The following PLOD3 variants were observed in gnomAD, a reference collection of about 807,000 sequenced individuals.
PLOD3 encodes procollagen-lysine,2-oxoglutarate 5-dioxygenase 3, also known as multifunctional procollagen lysine hydroxylase and glycosyltransferase LH3.
A neutral mutation model predicts 96.9 loss-of-function variants in PLOD3; 73 were observed. That is an observed-to-expected ratio of 0.75 (90% CI 0.62 to 0.92). The LOEUF (loss-of-function observed/expected upper bound fraction) is 0.92, where lower values mean the gene tolerates loss of function less well. PLOD3 is among the 40% of genes least tolerant of loss of function. PLOD3 has a pLI of 0.00. For missense variants in PLOD3, 1,004 were observed against 1,004.3 expected (o/e 1.00, Z 0.00); for synonymous variants, 454 against 413.7 (o/e 1.10, Z -1.18).
In PLOD3 at chr7:101,206,182, G is replaced by T; in HGVS notation, c.*99C>A. ...GGCACGCGGAACATGAACTCAGGAA[G>T]TGGGGAGACAGAGAGACCCATCCCC... On this transcript the variant is annotated 3_prime_UTR_variant, in exon 19 of 19. Coordinates refer to ENST00000223127, the MANE Select transcript of PLOD3 (RefSeq NM_001084.5). 1 of 1,186,570 alleles carries T rather than the reference G, an allele frequency of 8.4e-7. No individual in the cohort carries two copies. The highest frequency in any genetic ancestry group is 1.3e-6 in the Non-Finnish European group (1 of 791,190). 73.5% of individuals were successfully genotyped at this position (1,186,570 alleles called of 1,614,324 possible).
intron 5 of PLOD3, among the ~76,000 whole-genome samples, 162 bp from the exon 6 acceptor site, chr7:101,215,314 T>C (rs1244222202): frequency 1.3e-5 from 2 of 152,222 alleles, no homozygotes; most frequent in African/African-American, 2.4e-5. Flanking sequence ...CCCGGTTTAA[T>C]TGATTCTCTT....
In PLOD3 at chr7:101,212,279, G is replaced by A. The variant is rs768919396; in HGVS notation, c.1101C>T (p.Ser367=). The change falls in exon 10 of 19, where the codon AGC becomes AGT. Residue 367 remains serine, a synonymous_variant. Transcript: ENST00000223127. ...VKLVGPEEAL[S]PGEARDMAMD... ...TGGCCATGTCCCTGGCCTCGCCTGG[G>A]CTCAGAGCCTCCTCCGGCCCCACGA... The A allele has an allele frequency of 1.7e-5, 27 of 1,613,370 alleles. No individual in the cohort carries two copies. The South Asian group carries it at 2.9e-4, about 17-fold the overall frequency.
In PLOD3 at chr7:101,208,963, G is replaced by T; in HGVS notation, c.1684-6C>A. The T allele has an allele frequency of 6.2e-7, 1 of 1,602,658 alleles. No individual in the cohort carries two copies. Among genetic ancestry groups the T allele is most frequent in the Non-Finnish European group, 8.5e-7 (1 of 1,169,678 alleles). ...CAGTACACGTCCGGGCATGGCTGAG[G>T]ATGGGGCGAGGGAGAACAGGGCTAG... On this transcript the variant is annotated splice_polypyrimidine_tract_variant and splice_region_variant and intron_variant, in intron 15 of 18. Coordinates refer to ENST00000223127, the MANE Select transcript of PLOD3 (RefSeq NM_001084.5).
intron 12 of PLOD3, 112 bp downstream of exon 12, chr7:101,211,479 C>T: frequency 8.8e-7 from 1 of 1,140,290 alleles, no homozygotes. Context: ...CTGCAGCCAG[C>T]CTCATGGCAC....
intron 15 of PLOD3, 107 bp from the exon 16 acceptor site, chr7:101,209,064 G>A: frequency 1.2e-6 from 1 of 852,290 alleles, no homozygotes; most frequent in East Asian, 2.6e-5. Flanking sequence ...GGAAGGCTTT[G>A]TGAGAGCAGC....
Position 101,211,951 on chromosome 7 carries a change from C to A in PLOD3, c.1128-1G>T. 6.3e-7 allele frequency: 1 copy of A among 1,599,038 alleles called. No individual in the cohort carries two copies. The highest frequency in any genetic ancestry group is 1.1e-5 in the South Asian group (1 of 89,250). Reference sequence around the variant, plus strand: ...CTCGGGGTCCTGCCGACACAGGTCCCTGGAGGTGAGAGGCGAGCTGAGACG... The same window carrying A: ...CTCGGGGTCCTGCCGACACAGGTCCATGGAGGTGAGAGGCGAGCTGAGACG... On this transcript the variant is annotated splice_acceptor_variant, in intron 10 of 18. Coordinates refer to ENST00000223127, the MANE Select transcript of PLOD3 (RefSeq NM_001084.5). LOFTEE classifies it high-confidence loss of function.
At chr7:101,214,827 ACT>A (rs1584255287) in intron 6 of PLOD3, among the ~76,000 whole-genome samples, 1 of 151,810 alleles carries the variant, frequency 6.6e-6, no homozygotes, top group African/African-American at 2.4e-5. Flanking sequence ...ACAGAGCGAA[ACT>A]CTGTCTCAAA....
Position 101,207,626 on chromosome 7 carries a change from C to A in PLOD3, c.1887G>T (p.Thr629=), listed in dbSNP as rs142564814. ...YEDQWLQLLR[T]YVGPMTESLF... ...GGCTCTCGGTCATGGGGCCCACATA[C>A]GTCCGCAGCAGCTGCAGCCACTGGT... Residue 629 remains threonine (T), a synonymous_variant, in exon 17 of 19, where the codon ACG becomes ACT. Transcript: ENST00000223127. 3 of 1,614,058 alleles carry A rather than the reference C, an allele frequency of 1.9e-6. No homozygotes were observed. In the South Asian group the frequency reaches 3.3e-5, roughly 18 times the overall value.
At position 101,206,799 on chromosome 7, in the gene PLOD3, G is replaced by A; in HGVS notation, c.2041C>T (p.His681Tyr). ...STFTLNVALN[H>Y]KGLDYEGGGC... is the part of the protein sequence containing the mutation. ...CGCACCTCATAGTCCAGGCCCTTGT[G>A]GTTGAGGGCAACGTTGAGGGTGAAG... The change falls in exon 18 of 19, where the codon CAC (histidine) becomes TAC (tyrosine). Residue 681 changes from histidine (H) to tyrosine (Y), a missense_variant. By Grantham distance (83) the His-to-Tyr change is moderately conservative. This residue lies in a region of PLOD3 where 222 missense variants were observed against 220.4 expected (regional missense o/e 1.01). Transcript: ENST00000223127. 3.8e-6 allele frequency: 6 copies of A among 1,583,740 alleles called. No homozygotes were observed. Among genetic ancestry groups the A allele is most frequent in the Non-Finnish European group, 5.2e-6 (6 of 1,164,746 alleles).
At chr7:101,215,784 G>A (rs1798260113) in intron 5 of PLOD3, 124 bp downstream of exon 5, 4 of 731,542 alleles carry the variant, frequency 5.5e-6, no homozygotes, top group South Asian at 4.5e-5. Context: ...TGACAGGCGT[G>A]AGCCACCACG....
chr7:101,206,661 CCA>C, intron 18 of PLOD3, 116 bp downstream of exon 18: 1 of 1,260,490 alleles, frequency 7.9e-7, no homozygotes, highest in Non-Finnish European at 1.1e-6. Context: ...GAGCTGATAC[CCA>C]CAAAGTCACT....
intron 16 of PLOD3, chr7:101,208,526 C>A (rs1798122154): frequency 2.8e-6 from 1 of 361,880 alleles, no homozygotes; most frequent in Admixed American, 3.7e-5. Flanking sequence ...CAGGCGTGAG[C>A]CACCGCACCT....
chr7:101,207,449 T>C, intron 17 of PLOD3, 129 bp downstream of exon 17: 3 of 998,428 alleles, frequency 3.0e-6, no homozygotes, highest in Non-Finnish European at 3.0e-6. Flanking sequence ...CTGCAGCGTC[T>C]CATTCCCCTG....
intron 3 of PLOD3, 31 bp from the exon 4 acceptor site, chr7:101,216,357 TCCACTGGGAA>T (rs1562896155): frequency 6.2e-7 from 1 of 1,613,272 alleles, no homozygotes; most frequent in South Asian, 1.1e-5. Flanking sequence ...TGGGCAGGGG[TCCACTGGGAA>T]CCTCAGCATC....
At chr7:101,207,799 T>C in intron 16 of PLOD3, 75 bp from the exon 17 acceptor site, 1 of 1,503,596 alleles carries the variant, frequency 6.7e-7, no homozygotes, top group Non-Finnish European at 9.2e-7. Flanking sequence ...CCAGCCTCCT[T>C]CCTCCCGTCC....
intron 6 of PLOD3, chr7:101,213,550 T>C (rs1335040853): frequency 1.7e-5 from 5 of 296,656 alleles, no homozygotes; most frequent in South Asian, 1.3e-4. Flanking sequence ...GGAGTCTCAC[T>C]CTGTCACCCA....
In PLOD3 at chr7:101,206,871, G is replaced by A. The variant is rs747745259; in HGVS notation, c.1969C>T (p.Arg657Trp). 5.1e-6 allele frequency: 8 copies of A among 1,560,376 alleles called. No individual in the cohort carries two copies. Among genetic ancestry groups the A allele is most frequent in the South Asian group, 2.4e-5 (2 of 84,708 alleles). ...CGCAGAGACGGCTGCTCGTCTGGCC[G>A]GTAGCGAACCACAAAGTTCATCACC... ...RAVMNFVVRYRPDEQPSLRPH... is the reference protein window; with the variant it reads ...RAVMNFVVRYWPDEQPSLRPH... The change falls in exon 18 of 19, where the codon CGG becomes TGG. Residue 657 changes from arginine to tryptophan, a missense_variant. Coordinates refer to ENST00000223127, the MANE Select transcript of PLOD3 (RefSeq NM_001084.5).
At chr7:101,215,348 G>A (rs554313120) in intron 5 of PLOD3, among the ~76,000 whole-genome samples, 196 bp from the exon 6 acceptor site, 2 of 152,334 alleles carry the variant, frequency 1.3e-5, no homozygotes, top group East Asian at 1.9e-4. Flanking sequence ...AAGTAACTGG[G>A]ACTACAGGAG....
rs749872124 is a variant in PLOD3, at chr7:101,208,840, C to T, written c.1788+13G>A. 9 of 1,570,340 alleles carry T rather than the reference C, an allele frequency of 5.7e-6. No individual in the cohort carries two copies. The highest frequency in any genetic ancestry group is 7.9e-6 in the Non-Finnish European group (9 of 1,140,554). Reference sequence around the variant, plus strand: ...TCTGGGAAGGCCTCTGCCCTCCTCGCCCAGGCCCTTACCTCATGCCGGCCG... The same window carrying T: ...TCTGGGAAGGCCTCTGCCCTCCTCGTCCAGGCCCTTACCTCATGCCGGCCG... On this transcript the variant is annotated intron_variant, in intron 16 of 18. Coordinates refer to ENST00000223127, the MANE Select transcript of PLOD3 (RefSeq NM_001084.5).
Sources: gnomAD v4.1 joint callset for allele counts (sites outside exome capture counted in the v4.1 genomes callset) on GRCh38, gnomAD v4.1.1 for gene constraint, gnomAD v4.1.1 regional missense constraint, MANE v1.5 for transcripts, NCBI Gene and HGNC (gene_info 2026-07-23, HGNC 2026-07-21) for gene names.